The following CEP152 variants were observed in gnomAD, a reference collection of about 807,000 sequenced individuals.
CEP152 encodes the protein centrosomal protein of 152 kDa.
CEP152 carries 132 observed loss-of-function variants against 188.9 expected under a neutral mutation model. That is an observed-to-expected ratio of 0.70 (90% confidence interval 0.61 to 0.81). The LOEUF (loss-of-function observed/expected upper bound fraction) is 0.81. CEP152 is among the 30% of genes least tolerant of loss of function. The probability of loss-of-function intolerance (pLI) is 0.00; values close to 1 mark genes in which losing one functional copy is unlikely to be tolerated. For missense variants in CEP152, 1,914 were observed against 1,969.8 expected, an observed-to-expected ratio of 0.97 and a Z score of 0.54; for synonymous variants, 649 against 666.6, an observed-to-expected ratio of 0.97 and a Z score of 0.41.
intron 24 of CEP152, among the ~76,000 whole-genome samples, chr15:48,742,453 G>T (rs1425908128): frequency 6.6e-6 from 1 of 152,026 alleles, no homozygotes; most frequent in Non-Finnish European, 1.5e-5. Context: ...GTCCAGTTAG[G>T]AAAAGAGAAA....
intron 26 of CEP152, among the ~76,000 whole-genome samples, chr15:48,739,523 C>G (rs916384087): frequency 6.6e-6 from 1 of 152,050 alleles, no homozygotes; most frequent in African/African-American, 2.4e-5. Context: ...AATTTTGTTA[C>G]TAAGATCTGA....
At chr15:48,808,446 C>G (rs1027441623) in intron 1 of CEP152, among the ~76,000 whole-genome samples, 2 of 151,864 alleles carry the variant, frequency 1.3e-5, no homozygotes, top group African/African-American at 4.8e-5. Flanking sequence ...TGCAAAGCAC[C>G]TGACAAAGTC....
At chr15:48,807,114 C>A (rs1359267886) in intron 1 of CEP152, among the ~76,000 whole-genome samples, 1 of 152,196 alleles carries the variant, frequency 6.6e-6, no homozygotes, top group Non-Finnish European at 1.5e-5. Flanking sequence ...TCAGACTATA[C>A]CTCAACTTAA....
downstream of CEP152, among the ~76,000 whole-genome samples, chr15:48,736,957 ACTGTT>A (rs1892633747): frequency 6.6e-6 from 1 of 152,182 alleles, no homozygotes; most frequent in African/African-American, 2.4e-5. Context: ...TGACAGCCTA[ACTGTT>A]GGAGAAGGAG....
At chr15:48,793,290 A>C (rs774227732) in intron 7 of CEP152, 31 bp downstream of exon 7, 2 of 1,612,164 alleles carry the variant, frequency 1.2e-6, no homozygotes. Context: ...AACTCAGTGT[A>C]CCTCATAAAT....
intron 22 of CEP152, among the ~76,000 whole-genome samples, chr15:48,747,113 A>T (rs940063433): frequency 1.3e-5 from 2 of 152,206 alleles, no homozygotes; most frequent in African/African-American, 4.8e-5. Context: ...AGAGCTTTAA[A>T]CAAGAGTGTC....
At chr15:48,795,507 C>A (rs1897236874) in intron 6 of CEP152, among the ~76,000 whole-genome samples, 1 of 152,076 alleles carries the variant, frequency 6.6e-6, no homozygotes, top group African/African-American at 2.4e-5. Context: ...CATAAAAAGT[C>A]TTTTAAAATT....
Position 48,791,217 on chromosome 15 carries a change from A to G in CEP152, c.972+20T>C, listed in dbSNP as rs1181859547. The G allele has an allele frequency of 3.1e-6, 5 of 1,603,448 alleles. No homozygotes were observed. Among genetic ancestry groups the G allele is most frequent in the Non-Finnish European group, 4.3e-6 (5 of 1,175,646 alleles). ...ACTAAACTTTTAATTTTTTTACCATACATAAGTTAAAATAGGTACCTGTTC... is the reference window on the plus strand; with the variant it reads ...ACTAAACTTTTAATTTTTTTACCATGCATAAGTTAAAATAGGTACCTGTTC... On this transcript the variant is annotated intron_variant, in intron 8 of 26. Transcript: ENST00000380950.
At chr15:48,767,035 G>A (rs1199109400) in intron 17 of CEP152, 25 bp downstream of exon 17, 8 of 1,610,736 alleles carry the variant, frequency 5.0e-6, no homozygotes, top group East Asian at 2.2e-5. Context: ...AAAGGATGTC[G>A]ATACAACATA....
At chr15:48,730,976 A>AT (rs1431458781) in intron 2 of CEP152, among the ~76,000 whole-genome samples, 1 of 152,266 alleles carries the variant, frequency 6.6e-6, no homozygotes, top group Non-Finnish European at 1.5e-5. Flanking sequence ...AGTCTGATTT[A>AT]TATCAAAGAA....
intron 17 of CEP152, among the ~76,000 whole-genome samples, chr15:48,765,006 AG>A: frequency 1.3e-5 from 2 of 151,706 alleles, no homozygotes; most frequent in South Asian, 4.2e-4. Flanking sequence ...AAAAAAAAAA[AG>A]GTGTATTTTT....
intron 21 of CEP152, among the ~76,000 whole-genome samples, chr15:48,749,953 T>C (rs568262055): frequency 2.9e-4 from 44 of 152,132 alleles, no homozygotes; most frequent in African/African-American, 1.0e-3. Context: ...CAAGAAAATA[T>C]TCATATTCCT....
At chr15:48,781,141 A>G in intron 12 of CEP152, 55 bp downstream of exon 12, 2 of 1,471,408 alleles carry the variant, frequency 1.4e-6, no homozygotes, top group South Asian at 2.3e-5. Context: ...ACCATGCATC[A>G]TCAGCATTAC....
intron 2 of CEP152, among the ~76,000 whole-genome samples, chr15:48,805,313 G>A (rs1007126814): frequency 6.6e-6 from 1 of 152,082 alleles, no homozygotes; most frequent in Admixed American, 6.5e-5. Flanking sequence ...CCTCCTAAAT[G>A]AAAAGAAAAA....
rs1254725479 is a variant in CEP152, at chr15:48,767,072, C to T, written c.2268G>A (p.Gln756=). ...ACTTGTACTGTACCTTCTCCTGAGTCTGTTGCTCCTTTTCAGTGGTCTTCC... is the reference window on the plus strand; with the variant it reads ...ACTTGTACTGTACCTTCTCCTGAGTTTGTTGCTCCTTTTCAGTGGTCTTCC... The part of the protein sequence containing the change: ...TLRKTTEKEQ[Q]TQEKIKEKLI... The change falls in exon 17 of 27, where the codon CAG becomes CAA. Residue 756 remains glutamine (Q), a synonymous_variant. Coordinates refer to ENST00000380950, the MANE Select transcript of CEP152 (RefSeq NM_001194998.2). 6.2e-7 allele frequency: 1 copy of T among 1,612,948 alleles called. No homozygotes were observed. Among genetic ancestry groups the T allele is most frequent in the African/African-American group, 1.3e-5 (1 of 74,930 alleles).
rs181303658 is a variant in CEP152 at position 48,762,631 on chromosome 15, C to T, written c.2322G>A (p.Gln774=). ...CCTTTATAGTTTGATCCAGCTTAGA[C>T]TGCCACTCCTTTTCAAGCTGTTGAA... is the stretch of plus-strand genomic sequence containing the variant. ...KLIQQLEKEW[Q]SKLDQTIKAM... is the part of the protein sequence containing the mutation. The change falls in exon 18 of 27, where the codon CAG becomes CAA. Residue 774 remains glutamine (Q), a synonymous_variant. Coordinates refer to ENST00000380950, the MANE Select transcript of CEP152 (RefSeq NM_001194998.2). 1 of 1,613,940 alleles carries T rather than the reference C, an allele frequency of 6.2e-7. No homozygotes were observed. Among genetic ancestry groups the T allele is most frequent in the African/African-American group, 1.3e-5 (1 of 75,044 alleles).
chr15:48,744,497 G>T lies in CEP152; in HGVS notation c.3732-154C>A, dbSNP rs190009025. Among the ~76,000 whole-genome samples the T allele has an allele frequency of 8.0e-3, 1,214 of 152,064 alleles. 21 individuals are homozygous for T. Among genetic ancestry groups the T allele is most frequent in the Non-Finnish European group, 0.013 (882 of 67,986 alleles). The stretch of plus-strand genomic sequence containing the variant: ...CTCCACTATACAGTTATTTAAAATA[G>T]GGGAAAAATGGAAACAACATAAATG... On this transcript the variant is annotated intron_variant, in intron 23 of 26. Coordinates refer to ENST00000380950, the MANE Select transcript of CEP152 (RefSeq NM_001194998.2).
At position 48,738,467 on chromosome 15, in the gene CEP152, A is replaced by G. The variant is rs757686956; in HGVS notation, c.4915T>C (p.Tyr1639His). ...AAATACGTGGTTTCTTCTGACAGGT[A>G]TGGAGTTTGATAACGCTGACATTTC... ...TMKCQRYQTP[Y>H]LSEETTYLEP... The change falls in exon 27 of 27, where the codon TAC becomes CAC. Residue 1639 changes from tyrosine (Y) to histidine (H), a missense_variant. Physicochemically the swap from Tyr to His is moderately conservative, Grantham distance 83. Transcript: ENST00000380950. 6.8e-6 allele frequency: 11 copies of G among 1,614,206 alleles called. No individual in the cohort carries two copies. In the Admixed American group the frequency reaches 1.2e-4, roughly 17 times the overall value.
intron 17 of CEP152, 40 bp from the exon 18 acceptor site, chr15:48,762,712 C>A: frequency 6.3e-7 from 1 of 1,598,554 alleles, no homozygotes; most frequent in South Asian, 1.1e-5. Flanking sequence ...GAACAATTTT[C>A]AAATAAGTAA....
Sources: allele counts gnomAD v4.1 joint callset (sites outside exome capture counted in the v4.1 genomes callset), GRCh38; gene constraint gnomAD v4.1.1; transcripts MANE v1.5; gene names NCBI Gene and HGNC (gene_info 2026-07-23, HGNC 2026-07-21).